LRMDA: variants seen among roughly 807,000 people sequenced by gnomAD.
LRMDA encodes leucine-rich melanocyte differentiation-associated protein.
Under a neutral mutation model 29.8 loss-of-function variants are expected in LRMDA, and 18 were observed. That is an observed-to-expected ratio of 0.60 (90% CI 0.42 to 0.90). The LOEUF is 0.90. Ranked by LOEUF, LRMDA falls within the 40% of genes least tolerant of loss-of-function variation. LRMDA has a pLI of 0.00. For missense variants in LRMDA, 273 were observed against 273.9 expected (o/e 1.00, Z 0.02); for synonymous variants, 125 against 109.4 (o/e 1.14, Z -0.89).
chr10:75,659,795 C>A (rs1459446542), intron 2 of LRMDA, among the ~76,000 whole-genome samples: 1 of 151,932 alleles, frequency 6.6e-6, no homozygotes. Flanking sequence ...AGTGTCTCCC[C>A]CTCCTTCTCT....
At chr10:75,813,972 A>C (rs1033371359) in intron 2 of LRMDA, among the ~76,000 whole-genome samples, 1 of 152,252 alleles carries the variant, frequency 6.6e-6, no homozygotes, top group African/African-American at 2.4e-5. Context: ...ATTCCAGCCA[A>C]TAAATCCATT....
intron 2 of LRMDA, among the ~76,000 whole-genome samples, chr10:75,524,166 A>T (rs1037160107): frequency 6.6e-6 from 1 of 152,224 alleles, no homozygotes; most frequent in African/African-American, 2.4e-5. Context: ...CCAATGAACG[A>T]CTTTATAGTG....
chr10:76,452,573 T>C (rs1209775683), intron 6 of LRMDA, among the ~76,000 whole-genome samples: 3 of 151,486 alleles, frequency 2.0e-5, no homozygotes, highest in Admixed American at 1.3e-4. Flanking sequence ...AGATGTGAAG[T>C]AGAGGGTCTA....
At chr10:76,185,795 AT>A (rs893355432) in intron 5 of LRMDA, among the ~76,000 whole-genome samples, 34 of 151,840 alleles carry the variant, frequency 2.2e-4, no homozygotes, top group African/African-American at 6.8e-4. Context: ...CTCAAAGTAC[AT>A]TTTTTTTTAA....
intron 2 of LRMDA, among the ~76,000 whole-genome samples, chr10:75,872,930 T>C (rs1369803462): frequency 1.3e-5 from 2 of 152,188 alleles, no homozygotes; most frequent in Admixed American, 6.5e-5. Context: ...CAAGGCTGGT[T>C]ATGTCCTCAT....
chr10:76,106,269 G>A (rs1403540357), intron 5 of LRMDA, among the ~76,000 whole-genome samples: 1 of 152,064 alleles, frequency 6.6e-6, no homozygotes, highest in Non-Finnish European at 1.5e-5. Context: ...TCCAGTTTGG[G>A]GTATGGTATG....
intron 2 of LRMDA, among the ~76,000 whole-genome samples, chr10:75,641,421 T>TAC (rs1325375740): frequency 1.3e-5 from 2 of 150,458 alleles, no homozygotes; most frequent in Admixed American, 1.3e-4. Context: ...TATATATATA[T>TAC]ACAGATATTA....
At chr10:76,494,263 T>C (rs1022347634) in intron 6 of LRMDA, among the ~76,000 whole-genome samples, 1 of 151,666 alleles carries the variant, frequency 6.6e-6, no homozygotes. Context: ...TTTCTGATCG[T>C]AGGTAGAGTT....
chr10:76,066,869 C>T (rs137981497), intron 5 of LRMDA, among the ~76,000 whole-genome samples: 141 of 152,302 alleles, frequency 9.3e-4, no homozygotes, highest in African/African-American at 2.9e-3. Flanking sequence ...CCTGTATTTG[C>T]ATCCCTGGGT....
intron 2 of LRMDA, among the ~76,000 whole-genome samples, chr10:75,708,384 T>A (rs1842395137): frequency 6.6e-6 from 1 of 152,358 alleles, no homozygotes; most frequent in African/African-American, 2.4e-5. Context: ...AACATAAAGT[T>A]TGAATTTATG....
chr10:76,522,630 A>AGT, intron 6 of LRMDA, among the ~76,000 whole-genome samples: 1 of 152,224 alleles, frequency 6.6e-6, no homozygotes, highest in Non-Finnish European at 1.5e-5. Context: ...GGTTTCATCC[A>AGT]GTGCATTTTT....
At chr10:75,527,145 C>G (rs1440005961) in intron 2 of LRMDA, among the ~76,000 whole-genome samples, 1 of 152,100 alleles carries the variant, frequency 6.6e-6, no homozygotes, top group Non-Finnish European at 1.5e-5. Flanking sequence ...TATTTTGTGT[C>G]TGGCTTCTTT....
chr10:75,949,012 G>T (rs1324499532), intron 2 of LRMDA, among the ~76,000 whole-genome samples: 3 of 151,952 alleles, frequency 2.0e-5, no homozygotes, highest in African/African-American at 7.3e-5. Context: ...TTGTGTGTGT[G>T]TGTAAAATGT....
chr10:76,001,611 TATTTA>T (rs1270010065), intron 2 of LRMDA, among the ~76,000 whole-genome samples: 6 of 151,858 alleles, frequency 4.0e-5, no homozygotes, highest in African/African-American at 7.2e-5. Context: ...ATGAAATATT[TATTTA>T]ATTTATTATT....
intron 5 of LRMDA, among the ~76,000 whole-genome samples, chr10:76,138,493 T>G (rs1013117408): frequency 6.6e-6 from 1 of 152,198 alleles, no homozygotes; most frequent in Non-Finnish European, 1.5e-5. Context: ...TCAATTATAG[T>G]CTTAAACCTG....
At chr10:76,116,028 G>A (rs543400832) in intron 5 of LRMDA, among the ~76,000 whole-genome samples, 12 of 152,284 alleles carry the variant, frequency 7.9e-5, no homozygotes, top group East Asian at 3.9e-4. Context: ...GACACGGCGC[G>A]TTATCACTCG....
intron 2 of LRMDA, among the ~76,000 whole-genome samples, chr10:75,983,769 C>T (rs1201427440): frequency 6.6e-6 from 1 of 152,158 alleles, no homozygotes; most frequent in African/African-American, 2.4e-5. Context: ...ATTCTCATGT[C>T]TCAGCCTCCT....
At chr10:76,515,741 G>T (rs1268741410) in intron 6 of LRMDA, among the ~76,000 whole-genome samples, 1 of 152,098 alleles carries the variant, frequency 6.6e-6, no homozygotes, top group Non-Finnish European at 1.5e-5. Context: ...CTGGACTCAA[G>T]CAATCTGCCG....
chr10:75,895,045 G>A (rs1845559732), intron 2 of LRMDA, among the ~76,000 whole-genome samples: 1 of 152,098 alleles, frequency 6.6e-6, no homozygotes, highest in African/African-American at 2.4e-5. Flanking sequence ...AGTGGGAAAG[G>A]GACAGCTTTC....
Sources: gnomAD v4.1 joint callset for allele counts (sites outside exome capture counted in the v4.1 genomes callset) on GRCh38, gnomAD v4.1.1 for gene constraint, MANE v1.5 for transcripts, NCBI Gene and HGNC (gene_info 2026-07-23, HGNC 2026-07-21) for gene names.